The following GNG12 variants were observed in gnomAD, a reference collection of about 807,000 sequenced individuals.
The protein encoded by GNG12 is guanine nucleotide-binding protein G(I)/G(S)/G(O) subunit gamma-12.
For synonymous variants in GNG12, 28 were observed against 29.7 expected (o/e 0.94, Z 0.19); for missense variants, 69 against 83.8 (o/e 0.82, Z 0.69).
At chr1:67,724,940 A>G (rs747395455) in intron 2 of GNG12, among the ~76,000 whole-genome samples, 2 of 152,238 alleles carry the variant, frequency 1.3e-5, no homozygotes, top group Non-Finnish European at 2.9e-5. Context: ...GATAATTAAC[A>G]TTATCAGTTA....
At chr1:67,798,173 C>A (rs1343204914) in intron 1 of GNG12, among the ~76,000 whole-genome samples, 1 of 152,204 alleles carries the variant, frequency 6.6e-6, no homozygotes, top group Non-Finnish European at 1.5e-5. Flanking sequence ...CTGGGCTGCA[C>A]AGCATGAGGT....
intron 2 of GNG12, among the ~76,000 whole-genome samples, chr1:67,750,405 A>G (rs540355920): frequency 1.3e-5 from 2 of 152,318 alleles, no homozygotes; most frequent in African/African-American, 4.8e-5. Context: ...CAGGCATTGT[A>G]AAAGTTCTCA....
rs186666209 is a variant in GNG12 at position 67,789,523 on chromosome 1, G to A, written c.-76-12016C>T. The stretch of plus-strand genomic sequence containing the variant: ...GTTCCGGTTTTATTGGAGTAGTCAA[G>A]GTAACTGAGATTTTGCTATATGTTG... On this transcript the variant is annotated intron_variant, in intron 1 of 3. Transcript: ENST00000370982. Among the ~76,000 whole-genome samples the A allele has an allele frequency of 8.5e-5, 13 of 152,260 alleles. No individual in the cohort carries two copies. The Middle Eastern group carries it at 0.01, about 120-fold the overall frequency.
At chr1:67,734,387 G>A (rs1037974137) in intron 2 of GNG12, among the ~76,000 whole-genome samples, 38 of 152,150 alleles carry the variant, frequency 2.5e-4, no homozygotes, top group Non-Finnish European at 4.1e-4. Context: ...GACTCCTTCT[G>A]CTACATTTAG....
At position 67,816,903 on chromosome 1, in the gene GNG12, C is replaced by T. The variant is rs547452254; in HGVS notation, c.-77+16441G>A. The stretch of plus-strand genomic sequence containing the variant: ...AGTAACAGAAGCTTTCTAGAAAGTG[C>T]CTCAGTGTCCCCATCTGTAAAGTGG... On this transcript the variant is annotated intron_variant, in intron 1 of 3. Transcript: ENST00000370982. 2.6e-5 allele frequency among the ~76,000 whole-genome samples: 4 copies of T among 152,324 alleles called. 1 individual carries two copies. Among genetic ancestry groups the T allele is most frequent in the African/African-American group, 9.6e-5 (4 of 41,578 alleles).
At chr1:67,813,520 C>G (rs1209114117) in intron 1 of GNG12, among the ~76,000 whole-genome samples, 1 of 152,196 alleles carries the variant, frequency 6.6e-6, no homozygotes, top group Non-Finnish European at 1.5e-5. Flanking sequence ...AATTCTGTCT[C>G]CAGCACAGAG....
At chr1:67,788,508 ATT>A (rs1025504306) in intron 1 of GNG12, among the ~76,000 whole-genome samples, 1 of 140,846 alleles carries the variant, frequency 7.1e-6, no homozygotes, top group Admixed American at 7.1e-5. Flanking sequence ...TAGTTTTTGT[ATT>A]TTTTTTTTTT....
At position 67,703,033 on chromosome 1, in the gene GNG12, A is replaced by G. The variant is rs1646224603; in HGVS notation, c.*2418T>C. The G allele has an allele frequency of 1.3e-5, 2 of 152,194 alleles. No individual in the cohort carries two copies. Among genetic ancestry groups the G allele is most frequent in the Admixed American group, 1.3e-4 (2 of 15,282 alleles). The allele number at this position is 152,194 out of a possible 1,614,324, so 9.4% of individuals were successfully genotyped here. ...GCCTGATAAAAAAAGTGACTTCTGCATATCATATATATGTATACATATATT... is the reference window on the plus strand; with the variant it reads ...GCCTGATAAAAAAAGTGACTTCTGCGTATCATATATATGTATACATATATT... On this transcript the variant is annotated 3_prime_UTR_variant, in exon 4 of 4. Coordinates refer to ENST00000370982, the MANE Select transcript of GNG12 (RefSeq NM_018841.6).
chr1:67,823,522 C>G (rs1346194716), intron 1 of GNG12, among the ~76,000 whole-genome samples: 1 of 152,166 alleles, frequency 6.6e-6, no homozygotes, highest in African/African-American at 2.4e-5. Flanking sequence ...GAGGAAAGGT[C>G]AACAAATGCC....
At chr1:67,799,563 G>C (rs1646852558) in intron 1 of GNG12, among the ~76,000 whole-genome samples, 1 of 152,112 alleles carries the variant, frequency 6.6e-6, no homozygotes, top group South Asian at 2.1e-4. Flanking sequence ...GTGTATACCA[G>C]CAACTAGAAC....
Position 67,701,913 on chromosome 1 carries a change from C to CT in GNG12, c.*3537dup. On this transcript the variant is annotated 3_prime_UTR_variant, in exon 4 of 4. Coordinates refer to ENST00000370982, the MANE Select transcript of GNG12 (RefSeq NM_018841.6). The stretch of plus-strand genomic sequence containing the variant: ...TAAACCAATTTTATATCTGAAGCAG[C>CT]TTATAGCACCAACACGTTGGCAGGA... 1 of 152,712 alleles carries CT rather than the reference C, an allele frequency of 6.5e-6. No individual in the cohort carries two copies. The highest frequency in any genetic ancestry group is 2.4e-5 in the African/African-American group (1 of 41,566). 9.5% of individuals were successfully genotyped at this position (152,712 alleles called of 1,614,324 possible). A position where few individuals can be genotyped will look rare whatever the true frequency, so the allele number is the denominator to read the frequency against.
intron 2 of GNG12, among the ~76,000 whole-genome samples, chr1:67,771,858 G>C (rs1336126618): frequency 6.6e-6 from 1 of 152,146 alleles, no homozygotes; most frequent in East Asian, 1.9e-4. Flanking sequence ...CCTGGCATTA[G>C]GTAAATGGCA....
intron 2 of GNG12, among the ~76,000 whole-genome samples, chr1:67,746,414 A>T (rs1397801952): frequency 6.6e-6 from 1 of 152,198 alleles, no homozygotes; most frequent in Non-Finnish European, 1.5e-5. Context: ...AAAGAAAGTT[A>T]CCAAATACTT....
intron 1 of GNG12, among the ~76,000 whole-genome samples, chr1:67,817,900 C>T (rs1646963370): frequency 6.6e-6 from 1 of 151,078 alleles, no homozygotes; most frequent in African/African-American, 2.4e-5. Context: ...AATCCTCCCA[C>T]CTCAGCCTCC....
At chr1:67,728,435 A>G (rs1646399714) in intron 2 of GNG12, among the ~76,000 whole-genome samples, 2 of 152,286 alleles carry the variant, frequency 1.3e-5, no homozygotes, top group South Asian at 2.1e-4. Flanking sequence ...AGAACAACAG[A>G]GATATTCTGC....
intron 3 of GNG12, among the ~76,000 whole-genome samples, chr1:67,706,770 C>G (rs1646251066): frequency 6.6e-6 from 1 of 151,848 alleles, no homozygotes; most frequent in African/African-American, 2.4e-5. Context: ...ATTCTCCTGC[C>G]TCAGCCTTCC....
At chr1:67,760,398 TTATTTA>T (rs200328631) in intron 2 of GNG12, among the ~76,000 whole-genome samples, 1,820 of 152,288 alleles carry the variant, frequency 0.012, 30 homozygotes, top group African/African-American at 0.042. Context: ...ATTTTTATTT[TTATTTA>T]TTTTTTGCTT....
intron 1 of GNG12, among the ~76,000 whole-genome samples, chr1:67,829,779 G>T (rs1445956042): frequency 1.3e-5 from 2 of 152,176 alleles, no homozygotes; most frequent in Non-Finnish European, 2.9e-5. Context: ...AGTTGTTTCA[G>T]AGCATAATGT....
chr1:67,814,724 G>A (rs1475075837), intron 1 of GNG12, among the ~76,000 whole-genome samples: 3 of 152,142 alleles, frequency 2.0e-5, no homozygotes, highest in South Asian at 2.1e-4. Flanking sequence ...AAGGAAACAC[G>A]TCTCTTAAAG....
Sources: gnomAD v4.1 joint callset for allele counts (sites outside exome capture counted in the v4.1 genomes callset) on GRCh38, gnomAD v4.1.1 for gene constraint, MANE v1.5 for transcripts, NCBI Gene and HGNC (gene_info 2026-07-23, HGNC 2026-07-21) for gene names.